ENOX1: variants seen among roughly 807,000 people sequenced by gnomAD.
ENOX1 encodes candidate growth-related and time keeping constitutive hydroquinone (NADH) oxidase.
ENOX1 carries 42 observed loss-of-function variants against 82.5 expected under a neutral mutation model. The observed-to-expected ratio is 0.51, with a 90% CI of 0.40 to 0.66. ENOX1 has a LOEUF of 0.66. ENOX1 is among the 30% of genes least tolerant of loss of function. ENOX1 has a pLI of 0.00. For synonymous variants in ENOX1, 271 were observed against 282.2 expected (o/e 0.96, Z 0.40); for missense variants, 608 against 811.6 (o/e 0.75, Z 3.05).
intron 1 of ENOX1, among the ~76,000 whole-genome samples, chr13:43,765,343 T>C (rs1211960772): frequency 6.6e-6 from 1 of 152,166 alleles, no homozygotes; most frequent in Admixed American, 6.6e-5. Context: ...GTTCTCAACA[T>C]CCCACCCACT....
chr13:43,501,784 T>A, intron 2 of ENOX1, among the ~76,000 whole-genome samples: 1 of 101,688 alleles, frequency 9.8e-6, no homozygotes. Context: ...TATAAACACC[T>A]ACCTTAACAA....
intron 1 of ENOX1, among the ~76,000 whole-genome samples, chr13:43,705,959 AAT>A (rs912533960): frequency 7.9e-5 from 12 of 152,204 alleles, no homozygotes; most frequent in Admixed American, 7.8e-4. Flanking sequence ...AATCAGATAG[AAT>A]ATGTTTCCTG....
At chr13:43,749,221 TCATACTATTTG>T (rs1353961872) in intron 1 of ENOX1, among the ~76,000 whole-genome samples, 2 of 152,216 alleles carry the variant, frequency 1.3e-5, no homozygotes, top group Non-Finnish European at 2.9e-5. Flanking sequence ...GCCACATTAA[TCATACTATTTG>T]CATGAATGTA....
chr13:43,418,741 T>C (rs1566173936), intron 3 of ENOX1, among the ~76,000 whole-genome samples: 1 of 152,190 alleles, frequency 6.6e-6, no homozygotes, highest in Non-Finnish European at 1.5e-5. Flanking sequence ...AAGTACAGCT[T>C]TGTTTGGCCT....
intron 5 of ENOX1, among the ~76,000 whole-genome samples, chr13:43,362,035 T>C (rs1007087418): frequency 2.6e-5 from 4 of 151,228 alleles, no homozygotes; most frequent in East Asian, 1.9e-4. Flanking sequence ...CTGGGTTAGA[T>C]ACATGCAGGC....
intron 3 of ENOX1, among the ~76,000 whole-genome samples, chr13:43,424,836 G>A (rs1040234258): frequency 1.3e-5 from 2 of 152,134 alleles, no homozygotes; most frequent in Non-Finnish European, 2.9e-5. Context: ...ATATCACTGG[G>A]AGTAACCCAG....
At chr13:43,652,191 CA>C (rs11301329) in intron 2 of ENOX1, among the ~76,000 whole-genome samples, 1,832 of 152,144 alleles carry the variant, frequency 0.012, 41 homozygotes, top group African/African-American at 0.041. Flanking sequence ...GAACAGGAGT[CA>C]GGGGTGGAGG....
chr13:43,470,348 A>G (rs1593363667), intron 3 of ENOX1, among the ~76,000 whole-genome samples: 1 of 44,720 alleles, frequency 2.2e-5, no homozygotes, highest in Admixed American at 3.0e-4. Flanking sequence ...ATACGTATAT[A>G]TATATGTATA....
chr13:43,342,651 T>C (rs2049136492), intron 9 of ENOX1, among the ~76,000 whole-genome samples: 1 of 152,098 alleles, frequency 6.6e-6, no homozygotes, highest in Non-Finnish European at 1.5e-5. Context: ...GCATCCAAAG[T>C]GTAGCCTCCA....
Position 43,213,744 on chromosome 13 carries a change from T to C in ENOX1, c.*246A>G. 2 of 295,922 alleles carry C rather than the reference T, an allele frequency of 6.8e-6. No homozygotes were observed. The highest frequency in any genetic ancestry group is 1.3e-5 in the Non-Finnish European group (2 of 158,526). The allele number at this position is 295,922 out of a possible 1,614,324, so 18.3% of individuals were successfully genotyped here. On this transcript the variant is annotated 3_prime_UTR_variant, in exon 17 of 17. Coordinates refer to ENST00000690772, the MANE Select transcript of ENOX1 (RefSeq NM_001347969.2). ...TAAGATTTTGCCATCATTATGACTG[T>C]GGAATCATTGTTTGGTTTTCATAGG...
chr13:43,742,702 T>G (rs1284701658), intron 1 of ENOX1, among the ~76,000 whole-genome samples: 1 of 152,200 alleles, frequency 6.6e-6, no homozygotes, highest in Middle Eastern at 3.2e-3. Context: ...GAGATAATGG[T>G]GGCTCAACCA....
intron 9 of ENOX1, among the ~76,000 whole-genome samples, chr13:43,330,152 A>G (rs779382225): frequency 3.3e-5 from 5 of 152,236 alleles, no homozygotes; most frequent in Non-Finnish European, 5.9e-5. Flanking sequence ...TACTCTATCT[A>G]TATACAATAA....
intron 2 of ENOX1, among the ~76,000 whole-genome samples, chr13:43,614,542 C>CTTTTTTTTT (rs9316046): frequency 7.7e-6 from 1 of 129,832 alleles, no homozygotes; most frequent in Non-Finnish European, 1.6e-5. Flanking sequence ...AAATAAAGGG[C>CTTTTTTTTT]TTTTTTTTTT....
At chr13:43,709,720 T>A (rs2087560265) in intron 1 of ENOX1, among the ~76,000 whole-genome samples, 1 of 152,064 alleles carries the variant, frequency 6.6e-6, no homozygotes, top group Non-Finnish European at 1.5e-5. Context: ...AGTTGCAAGT[T>A]AAATTAAAAA....
chr13:43,596,607 A>G (rs1040937661), intron 2 of ENOX1, among the ~76,000 whole-genome samples: 1 of 152,258 alleles, frequency 6.6e-6, no homozygotes, highest in Non-Finnish European at 1.5e-5. Context: ...TCTATAAAGC[A>G]GCATCCTTTC....
rs546638313 is a variant in ENOX1, at chr13:43,400,533, T to G, written c.208+11383A>C. Reference sequence around the variant, plus strand: ...ATGTATATATTCTCTCCCATACTGATGATCACTTTTTGGTTATTGTCATAA... The same window carrying G: ...ATGTATATATTCTCTCCCATACTGAGGATCACTTTTTGGTTATTGTCATAA... On this transcript the variant is annotated intron_variant, in intron 5 of 16. Transcript: ENST00000690772. Among the ~76,000 whole-genome samples, 5 of 152,340 alleles carry G rather than the reference T, an allele frequency of 3.3e-5. No individual in the cohort carries two copies. The East Asian group carries it at 9.6e-4, about 29-fold the overall frequency.
chr13:43,249,826 C>CA (rs1479345643), intron 14 of ENOX1, among the ~76,000 whole-genome samples: 1 of 152,150 alleles, frequency 6.6e-6, no homozygotes, highest in African/African-American at 2.4e-5. Flanking sequence ...TCTTAGTAAA[C>CA]ATTGAATATC....
At chr13:43,418,680 A>G (rs1175783032) in intron 3 of ENOX1, among the ~76,000 whole-genome samples, 1 of 152,260 alleles carries the variant, frequency 6.6e-6, no homozygotes, top group Admixed American at 6.5e-5. Context: ...TACAGCTTTA[A>G]TGAAGTATGA....
Position 43,369,740 on chromosome 13 carries a change from C to T in ENOX1, c.209-8288G>A, listed in dbSNP as rs532515980. Reference sequence around the variant, plus strand: ...GTCCTCAATAGCTATAATGGCTAGACAACCCTCTCTTAAAGTTCCTGTTCC... The same window carrying T: ...GTCCTCAATAGCTATAATGGCTAGATAACCCTCTCTTAAAGTTCCTGTTCC... On this transcript the variant is annotated intron_variant, in intron 5 of 16. Transcript: ENST00000690772. 1.9e-3 allele frequency among the ~76,000 whole-genome samples: 292 copies of T among 152,346 alleles called. 3 individuals carry two copies. The highest frequency in any genetic ancestry group is 2.8e-4 in the Non-Finnish European group (19 of 68,028).
Sources: gnomAD v4.1 joint callset for allele counts (sites outside exome capture counted in the v4.1 genomes callset) on GRCh38, gnomAD v4.1.1 for gene constraint, MANE v1.5 for transcripts, NCBI Gene and HGNC (gene_info 2026-07-23, HGNC 2026-07-21) for gene names.